Variants in KLC2 observed in about 807,000 individuals in gnomAD.
KLC2 encodes KLC 2.
A neutral mutation model predicts 75.1 loss-of-function variants in KLC2; 35 were observed. The observed-to-expected ratio is 0.47, with a 90% CI of 0.36 to 0.62. The LOEUF (loss-of-function observed/expected upper bound fraction) is 0.62. Ranked by LOEUF, KLC2 falls within the 20% of genes least tolerant of loss-of-function variation. KLC2 has a pLI of 0.00. For synonymous variants in KLC2, 314 were observed against 336.7 expected (o/e 0.93, Z 0.74); for missense variants, 611 against 833.2 (o/e 0.73, Z 3.28).
At chr11:66,252,021 T>A in the KLC2 span, among the ~76,000 whole-genome samples, 33 of 152,252 alleles carry the variant, frequency 2.2e-4, 1 homozygote, top group Admixed American at 1.4e-3. Flanking sequence ...CCTGATCACA[T>A]GGGCACCTAC....
intron 14 of KLC2, 55 bp downstream of exon 14, chr11:66,266,272 T>G (rs1856819364): frequency 3.9e-6 from 6 of 1,557,068 alleles, no homozygotes; most frequent in African/African-American, 1.4e-5. Flanking sequence ...CCGGATGAGC[T>G]CCTGACCCAG....
Position 66,260,387 on chromosome 11 carries a change from G to A in KLC2, c.229-1355G>A, listed in dbSNP as rs1383370953. 7.9e-5 allele frequency among the ~76,000 whole-genome samples: 12 copies of A among 152,156 alleles called. 1 individual carries two copies. Among genetic ancestry groups the A allele is most frequent in the Admixed American group, 7.9e-4 (12 of 15,276 alleles). On this transcript the variant is annotated intron_variant, in intron 2 of 15. Transcript: ENST00000394067. ...GGGGAACAATCTGCACGGAGGGCAT[G>A]GGCATCAAGGCCATGTGTGAAGCTG...
At chr11:66,264,485 C>A in intron 9 of KLC2, 41 bp downstream of exon 9, 1 of 1,392,368 alleles carries the variant, frequency 7.2e-7, no homozygotes, top group Non-Finnish European at 1.0e-6. Context: ...CCATCCATCC[C>A]AGGCCCACTC....
chr11:66,246,730 AGTT>A, the KLC2 span, among the ~76,000 whole-genome samples: 1 of 152,002 alleles, frequency 6.6e-6, no homozygotes, highest in East Asian at 1.9e-4. Context: ...ACTCCCTTCC[AGTT>A]TTTTCCTCAC....
upstream of KLC2, among the ~76,000 whole-genome samples, chr11:66,255,395 C>T (rs1198549883): frequency 6.6e-6 from 1 of 152,186 alleles, no homozygotes; most frequent in Non-Finnish European, 1.5e-5. Context: ...CACCATGTTG[C>T]CCAGGCTAGT....
chr11:66,257,132 CAG>C (rs1298946966), upstream of KLC2, among the ~76,000 whole-genome samples: 3 of 152,192 alleles, frequency 2.0e-5, no homozygotes, highest in African/African-American at 7.2e-5. Flanking sequence ...CGGGGTCTAT[CAG>C]AGGAAATTTT....
At chr11:66,266,820 G>A (rs1052347920) in intron 15 of KLC2, 53 bp from the exon 16 acceptor site, 151 of 1,577,558 alleles carry the variant, frequency 9.6e-5, no homozygotes, top group Middle Eastern at 6.8e-4. Flanking sequence ...AGGCCAGGGA[G>A]GCACAGACTG....
At chr11:66,248,542 G>A in the KLC2 span, among the ~76,000 whole-genome samples, 4 of 152,140 alleles carry the variant, frequency 2.6e-5, no homozygotes, top group Non-Finnish European at 4.4e-5. Flanking sequence ...GCTTGAACCC[G>A]GGAGGCGTAG....
upstream of KLC2, among the ~76,000 whole-genome samples, chr11:66,253,682 C>G (rs1855981261): frequency 6.6e-6 from 1 of 152,246 alleles, no homozygotes; most frequent in Admixed American, 6.5e-5. Flanking sequence ...GGGAGACACA[C>G]AGTGCAATCC....
rs1320903390 is a variant in KLC2, at chr11:66,267,196, C to T, written c.*240C>T. ...CAGGGCCCTCTTCCCTAGGTTCGGG[C>T]CAGCAGGAGGTGCCGGCTGGAGTCT... On this transcript the variant is annotated 3_prime_UTR_variant, in exon 16 of 16. Transcript: ENST00000394067. 6.5e-7 allele frequency: 1 copy of T among 1,549,398 alleles called. No individual in the cohort carries two copies. Among genetic ancestry groups the T allele is most frequent in the South Asian group, 1.2e-5 (1 of 83,992 alleles).
chr11:66,247,531 C>T, the KLC2 span, among the ~76,000 whole-genome samples: 2 of 152,194 alleles, frequency 1.3e-5, no homozygotes, highest in African/African-American at 4.8e-5. Flanking sequence ...TGGTCCTGTC[C>T]ATCCTGCTGC....
chr11:66,264,196 G>A lies in KLC2; in HGVS notation c.1093G>A (p.Val365Met). ...ATRLGPDDPN[V>M]AKTKNNLASC... ...ACGCCTCGGGCCCGATGACCCCAAT[G>A]TGGCCAAGACCAAGAACAACCTGGT... Residue 365 changes from valine (V) to methionine (M), a missense_variant, in exon 8 of 16, where the codon GTG becomes ATG. Physicochemically the swap from Val to Met is conservative, Grantham distance 21. Coordinates refer to ENST00000394067, the MANE Select transcript of KLC2 (RefSeq NM_001318734.2). 2 of 1,570,798 alleles carry A rather than the reference G, an allele frequency of 1.3e-6. No individual in the cohort carries two copies. Among genetic ancestry groups the A allele is most frequent in the Non-Finnish European group, 1.7e-6 (2 of 1,157,000 alleles).
chr11:66,266,268 G>A (rs1413388540), intron 14 of KLC2, 51 bp downstream of exon 14: 1 of 1,561,818 alleles, frequency 6.4e-7, no homozygotes, highest in Non-Finnish European at 8.7e-7. Context: ...AACCCCGGAT[G>A]AGCTCCTGAC....
the KLC2 span, among the ~76,000 whole-genome samples, chr11:66,249,918 G>A: frequency 3.9e-5 from 6 of 152,044 alleles, no homozygotes; most frequent in Non-Finnish European, 5.9e-5. Flanking sequence ...TACCTTCCTC[G>A]CATAGAGTAT....
the KLC2 span, among the ~76,000 whole-genome samples, chr11:66,246,597 A>G: frequency 3.3e-5 from 5 of 152,158 alleles, no homozygotes; most frequent in Admixed American, 1.3e-4. Flanking sequence ...CCAAGTGGGT[A>G]TAGCTCAATA....
chr11:66,244,071 C>G, the KLC2 span: 3 of 152,368 alleles, frequency 2.0e-5, no homozygotes, highest in Admixed American at 6.5e-5. Context: ...TGTGACACAC[C>G]CTGTGCACTG....
Position 66,263,028 on chromosome 11 carries a change from G to A in KLC2, c.744G>A (p.Leu248=). ...DVATMLNILA[L]VYRDQNKYKE... ...CCACCATGCTGAACATCCTGGCACT[G>A]GTCTATCGGTGAGGACTCTCTGGGG... Residue 248 remains leucine, a synonymous_variant, in exon 5 of 16, where the codon CTG becomes CTA. Transcript: ENST00000394067. 2 of 1,613,134 alleles carry A rather than the reference G, an allele frequency of 1.2e-6. No individual in the cohort carries two copies. Among genetic ancestry groups the A allele is most frequent in the Non-Finnish European group, 1.7e-6 (2 of 1,179,160 alleles).
At chr11:66,260,327 C>A (rs964290489) in intron 2 of KLC2, among the ~76,000 whole-genome samples, 1 of 152,166 alleles carries the variant, frequency 6.6e-6, no homozygotes, top group South Asian at 2.1e-4. Context: ...ACTCAGGGGC[C>A]GCACACCTGG....
At chr11:66,260,377 C>T (rs1024877580) in intron 2 of KLC2, among the ~76,000 whole-genome samples, 7 of 152,098 alleles carry the variant, frequency 4.6e-5, no homozygotes, top group African/African-American at 1.2e-4. Flanking sequence ...ACAATCTGCA[C>T]GGAGGGCATG....
Sources: allele counts gnomAD v4.1 joint callset (sites outside exome capture counted in the v4.1 genomes callset), GRCh38; gene constraint gnomAD v4.1.1; transcripts MANE v1.5; gene names NCBI Gene and HGNC (gene_info 2026-07-23, HGNC 2026-07-21).